The following GZMB variants were observed in gnomAD, a reference collection of about 807,000 sequenced individuals.
The protein encoded by GZMB is granzyme B.
Under a neutral mutation model 24.2 loss-of-function variants are expected in GZMB, and 27 were observed. The ratio of observed to expected loss-of-function variants is 1.12; its 90% confidence interval spans 0.82 to 1.54. The LOEUF is 1.54. Ranked by LOEUF, GZMB falls within the 40% of genes most tolerant of loss-of-function variation. GZMB has a pLI of 0.00. For synonymous variants in GZMB, 121 were observed against 115.1 expected, an observed-to-expected ratio of 1.05 and a Z score of -0.33; for missense variants, 336 against 310.1, an observed-to-expected ratio of 1.08 and a Z score of -0.63.
chr14:24,634,016 C>T (rs776949681), intron 1 of GZMB, 90 bp downstream of exon 1: 6 of 1,158,144 alleles, frequency 5.2e-6, no homozygotes, highest in Non-Finnish European at 7.6e-6. Context: ...TCAGAACATT[C>T]CTGGTAGATA....
intron 3 of GZMB, 75 bp downstream of exon 3, chr14:24,632,249 G>A (rs2067003320): frequency 1.3e-6 from 2 of 1,531,814 alleles, no homozygotes; most frequent in African/African-American, 2.9e-5. Context: ...ATGGAAAGGA[G>A]GGAAGGGCCG....
chr14:24,633,975 T>TA lies in GZMB; in HGVS notation c.55+130_55+131insT, dbSNP rs1555341392. 9 of 819,898 alleles carry TA rather than the reference T, an allele frequency of 1.1e-5. No homozygotes were observed. The Admixed American group carries it at 1.8e-4, about 16-fold the overall frequency. 50.8% of individuals were successfully genotyped at this position (819,898 alleles called of 1,614,324 possible). On this transcript the variant is annotated intron_variant, in intron 1 of 4. Transcript: ENST00000216341. ...CTGATAGCTTATCCAGCATCACACTTGGGGGGTCTTGGTAGAATGGGAGCT... is the reference window on the plus strand; with the variant it reads ...CTGATAGCTTATCCAGCATCACACTTAGGGGGGTCTTGGTAGAATGGGAGCT...
Position 24,630,976 on chromosome 14 carries a change from T to A in GZMB, c.*95A>T. ...AGCTTTTCCACTCAGCTAAGAGGTA[T>A]TTATTCAGTTGCTGGCACCTCTCCC... On this transcript the variant is annotated 3_prime_UTR_variant, in exon 5 of 5. Coordinates refer to ENST00000216341, the MANE Select transcript of GZMB (RefSeq NM_004131.6). 1.1e-6 allele frequency: 1 copy of A among 913,444 alleles called. No individual in the cohort carries two copies. The highest frequency in any genetic ancestry group is 1.8e-6 in the Non-Finnish European group (1 of 559,822). 56.6% of individuals were successfully genotyped at this position (913,444 alleles called of 1,614,324 possible).
In GZMB at chr14:24,632,195, T is replaced by A. The variant is rs1594828085; in HGVS notation, c.340-77A>T. ...CCGACACAGTGATGGGGCTGCACAA[T>A]CTTCCCTCTCCTCTGAGGCATAGGA... On this transcript the variant is annotated intron_variant, in intron 3 of 4. Coordinates refer to ENST00000216341, the MANE Select transcript of GZMB (RefSeq NM_004131.6). 7.0e-6 allele frequency: 11 copies of A among 1,564,620 alleles called. No individual in the cohort carries two copies. In the East Asian group the frequency reaches 2.5e-4, roughly 35 times the overall value.
Position 24,631,113 on chromosome 14 carries a change from T to C in GZMB, c.702A>G (p.Ser234=), listed in dbSNP as rs2066990471. Residue 234 remains serine, a synonymous_variant, in exon 5 of 5, where the codon TCA becomes TCG. Transcript: ENST00000216341. ...GMPPRACTKV[S]SFVHWIKKTM... is the part of the protein sequence containing the mutation. ...TTTTCTTTATCCAGTGTACAAAGCT[T>C]GAGACTTTGGTGCAGGCTCGTGGAG... 1 of 1,612,728 alleles carries C rather than the reference T, an allele frequency of 6.2e-7. No homozygotes were observed. Among genetic ancestry groups the C allele is most frequent in the Non-Finnish European group, 8.5e-7 (1 of 1,178,710 alleles).
chr14:24,634,041 GT>G (rs1228196294), intron 1 of GZMB, 64 bp downstream of exon 1: 1 of 1,345,340 alleles, frequency 7.4e-7, no homozygotes, highest in South Asian at 1.2e-5. Flanking sequence ...GATCAGGAAT[GT>G]GGAGAAAGGG....
At position 24,632,075 on chromosome 14, in the gene GZMB, C is replaced by T. The variant is rs201869226; in HGVS notation, c.383G>A (p.Arg128Lys). 9.3e-6 allele frequency: 15 copies of T among 1,614,170 alleles called. No individual in the cohort carries two copies. Among genetic ancestry groups the T allele is most frequent in the Non-Finnish European group, 1.3e-5 (15 of 1,180,006 alleles). The change falls in exon 4 of 5, where the codon AGG (arginine) becomes AAG (lysine). Residue 128 changes from arginine (R) to lysine (K), a missense_variant. Arg to Lys is a conservative substitution (Grantham distance 26). Transcript: ENST00000216341. ...AKRTRAVQPL[R>K]LPSNKAQVKP... Reference sequence around the variant, plus strand: ...CACCTGGGCCTTGTTGCTAGGTAGCCTGAGGGGCTGCACAGCTCTGGTCCG... The same window carrying T: ...CACCTGGGCCTTGTTGCTAGGTAGCTTGAGGGGCTGCACAGCTCTGGTCCG...
chr14:24,631,797 C>T (rs2066996771), intron 4 of GZMB, 61 bp downstream of exon 4: 5 of 1,418,858 alleles, frequency 3.5e-6, no homozygotes, highest in South Asian at 1.2e-5. Flanking sequence ...GTCTCCAGGT[C>T]TCAGATATTC....
In GZMB at chr14:24,631,130, C is replaced by A. The variant is rs748428522; in HGVS notation, c.685G>T (p.Ala229Ser). The stretch of plus-strand genomic sequence containing the variant: ...ACAAAGCTTGAGACTTTGGTGCAGG[C>A]TCGTGGAGGCATGCCATTGTTTCGT... Reference protein sequence around the residue: ...YGRNNGMPPRACTKVSSFVHW... With the variant: ...YGRNNGMPPRSCTKVSSFVHW... Residue 229 changes from alanine to serine, a missense_variant, in exon 5 of 5, where the codon GCC (alanine) becomes TCC (serine). By Grantham distance (99) the Ala-to-Ser change is moderately conservative (BLOSUM62 1). Coordinates refer to ENST00000216341, the MANE Select transcript of GZMB (RefSeq NM_004131.6). The A allele has an allele frequency of 1.9e-6, 3 of 1,613,156 alleles. No individual in the cohort carries two copies. The highest frequency in any genetic ancestry group is 1.1e-5 in the South Asian group (1 of 91,056).
intron 2 of GZMB, chr14:24,632,705 G>T (rs556744675): frequency 5.0e-6 from 4 of 803,394 alleles, no homozygotes; most frequent in African/African-American, 3.4e-5. Context: ...TCTAAATATG[G>T]CAGGCTTGGT....
chr14:24,634,099 C>T lies in GZMB; in HGVS notation c.55+7G>A. 2.5e-6 allele frequency: 4 copies of T among 1,589,876 alleles called. No individual in the cohort carries two copies. Among genetic ancestry groups the T allele is most frequent in the Non-Finnish European group, 1.7e-6 (2 of 1,169,304 alleles). On this transcript the variant is annotated splice_region_variant and intron_variant, in intron 1 of 4. Transcript: ENST00000216341. ...TTGGGCCCCCGAGGGTGGAGACGGT[C>T]ACTCACCTGCATCTGCCCTGGGCAG... is the stretch of plus-strand genomic sequence containing the variant.
intron 2 of GZMB, 91 bp downstream of exon 2, chr14:24,632,824 G>C: frequency 7.6e-7 from 1 of 1,310,712 alleles, no homozygotes; most frequent in African/African-American, 1.4e-5. Flanking sequence ...TGGCATGTGT[G>C]TTCACAGGAG....
At position 24,631,050 on chromosome 14, in the gene GZMB, G is replaced by A. The variant is rs755997644; in HGVS notation, c.*21C>T. 7 of 1,599,416 alleles carry A rather than the reference G, an allele frequency of 4.4e-6. No individual in the cohort carries two copies. The East Asian group carries it at 8.9e-5, about 20-fold the overall frequency. The stretch of plus-strand genomic sequence containing the variant: ...AGAGAAGGTGTTTCATTACAGCGGG[G>A]GCTTAGTTTGCTTCCTGTAGTTAGT... On this transcript the variant is annotated 3_prime_UTR_variant, in exon 5 of 5. Coordinates refer to ENST00000216341, the MANE Select transcript of GZMB (RefSeq NM_004131.6).
At chr14:24,631,292 G>T in intron 4 of GZMB, 78 bp from the exon 5 acceptor site, 1 of 1,330,420 alleles carries the variant, frequency 7.5e-7, no homozygotes, top group South Asian at 1.3e-5. Context: ...CCCCCTTTTA[G>T]AAAAGGCCAA....
In GZMB at chr14:24,631,003, G is replaced by T; in HGVS notation, c.*68C>A. ...TATTCAGTTGCTGGCACCTCTCCCA[G>T]TGTAAATCTGGACTTGGCTCCAGAG... On this transcript the variant is annotated 3_prime_UTR_variant, in exon 5 of 5. Transcript: ENST00000216341. 8.2e-7 allele frequency: 1 copy of T among 1,218,920 alleles called. No homozygotes were observed. The highest frequency in any genetic ancestry group is 1.2e-6 in the Non-Finnish European group (1 of 825,634). 75.5% of individuals were successfully genotyped at this position (1,218,920 alleles called of 1,614,324 possible).
chr14:24,632,251 G>A (rs1594828152), intron 3 of GZMB, 73 bp downstream of exon 3: 3 of 1,534,184 alleles, frequency 2.0e-6, no homozygotes, highest in South Asian at 1.2e-5. Context: ...GGAAAGGAGG[G>A]AAGGGCCGGC....
At position 24,631,944 on chromosome 14, in the gene GZMB, T is replaced by C. The variant is rs2066998326; in HGVS notation, c.514A>G (p.Lys172Glu). ...TAATGGCGTAAGTCAGATTCGCACT[T>C]TCGATCTTCCTGCACTGTCATCTTC... is the stretch of plus-strand genomic sequence containing the variant. The part of the protein sequence containing the change: ...EVKMTVQEDR[K>E]CESDLRHYYD... The change falls in exon 4 of 5, where the codon AAG becomes GAG. Residue 172 changes from lysine (K) to glutamate (E), a missense_variant. Transcript: ENST00000216341. The C allele has an allele frequency of 6.2e-7, 1 of 1,614,082 alleles. No individual in the cohort carries two copies. Among genetic ancestry groups the C allele is most frequent in the Non-Finnish European group, 8.5e-7 (1 of 1,180,014 alleles).
chr14:24,634,108 G>A lies in GZMB; in HGVS notation c.53C>T (p.Ala18Val). Reference protein sequence around the residue: ...LAFLLLPRADAGEIIGGHEAK... With the variant: ...LAFLLLPRADVGEIIGGHEAK... Reference sequence around the variant, plus strand: ...CGAGGGTGGAGACGGTCACTCACCTGCATCTGCCCTGGGCAGCAGGAGGAA... The same window carrying A: ...CGAGGGTGGAGACGGTCACTCACCTACATCTGCCCTGGGCAGCAGGAGGAA... Residue 18 changes from alanine to valine, a missense_variant and splice_region_variant, in exon 1 of 5, where the codon GCA (alanine) becomes GTA (valine). By Grantham distance (64) the Ala-to-Val change is moderately conservative (BLOSUM62 0). Transcript: ENST00000216341. The A allele has an allele frequency of 6.3e-7, 1 of 1,592,372 alleles. No homozygotes were observed.
In GZMB at chr14:24,631,901, T is replaced by C. The variant is rs765591783; in HGVS notation, c.557A>G (p.Glu186Gly). 6.2e-7 allele frequency: 1 copy of C among 1,613,910 alleles called. No homozygotes were observed. Among genetic ancestry groups the C allele is most frequent in the East Asian group, 2.2e-5 (1 of 44,874 alleles). ...DLRHYYDSTI[E>G]LCVGDPEIKK... Reference sequence around the variant, plus strand: ...AATCTCTGGGTCCCCCACGCACAACTCAATGGTACTGTCGTAATAATGGCG... The same window carrying C: ...AATCTCTGGGTCCCCCACGCACAACCCAATGGTACTGTCGTAATAATGGCG... Residue 186 changes from glutamate (E) to glycine (G), a missense_variant, in exon 4 of 5, where the codon GAG becomes GGG. By Grantham distance (98) the Glu-to-Gly change is moderately conservative. Coordinates refer to ENST00000216341, the MANE Select transcript of GZMB (RefSeq NM_004131.6).
Sources: gnomAD v4.1 joint callset for allele counts on GRCh38, gnomAD v4.1.1 for gene constraint, MANE v1.5 for transcripts, NCBI Gene and HGNC (gene_info 2026-07-23, HGNC 2026-07-21) for gene names.